STXBP5: variants seen among roughly 807,000 people sequenced by gnomAD.
STXBP5 encodes the protein syntaxin binding protein 5.
Under a neutral mutation model 152.4 loss-of-function variants are expected in STXBP5, and 50 were observed. The observed-to-expected ratio is 0.33, with a 90% CI of 0.26 to 0.42. The LOEUF (loss-of-function observed/expected upper bound fraction) is 0.42. STXBP5 is among the 10% of genes least tolerant of loss of function. STXBP5 has a pLI of 1.00. For synonymous variants in STXBP5, 492 were observed against 494.7 expected, an observed-to-expected ratio of 0.99 and a Z score of 0.07; for missense variants, 1,167 against 1,388.6, an observed-to-expected ratio of 0.84 and a Z score of 2.54.
intron 2 of STXBP5, among the ~76,000 whole-genome samples, chr6:147,211,164 G>C (rs1776828263): frequency 6.6e-6 from 1 of 152,042 alleles, no homozygotes; most frequent in South Asian, 2.1e-4. Flanking sequence ...ACAAAAATTA[G>C]CCTGGCGTGG....
intron 22 of STXBP5, among the ~76,000 whole-genome samples, chr6:147,356,872 A>G (rs1409147829): frequency 6.6e-6 from 1 of 152,140 alleles, no homozygotes; most frequent in Non-Finnish European, 1.5e-5. Flanking sequence ...CATTGAAAGC[A>G]TGTGATTTAG....
chr6:147,210,819 C>A (rs1231468754), intron 2 of STXBP5, among the ~76,000 whole-genome samples: 1 of 152,178 alleles, frequency 6.6e-6, no homozygotes, highest in Admixed American at 6.5e-5. Flanking sequence ...ATGATTATTA[C>A]ATTATTATTA....
chr6:147,328,185 G>GAC (rs1237809579), intron 18 of STXBP5, among the ~76,000 whole-genome samples: 1 of 151,824 alleles, frequency 6.6e-6, no homozygotes. Flanking sequence ...TTTATTTCAT[G>GAC]ACACACACAA....
Position 147,359,301 on chromosome 6 carries a change from G to A in STXBP5, c.2523G>A (p.Gln841=), listed in dbSNP as rs142098620. The change falls in exon 23 of 28, where the codon CAG becomes CAA. Residue 841 remains glutamine (Q), a synonymous_variant. Transcript: ENST00000321680. ...CAGGGGGAGAGCAAAGACTTCTTCA[G>A]CCAGTAATTGTGTCTCCAAGTGGTA... The part of the protein sequence containing the change: ...LPPGGEQRLL[Q]PVIVSPSGTI... The A allele has an allele frequency of 2.5e-6, 4 of 1,613,618 alleles. No homozygotes were observed. In the African/African-American group the frequency reaches 5.3e-5, roughly 22 times the overall value.
intron 2 of STXBP5, among the ~76,000 whole-genome samples, chr6:147,235,041 T>G (rs1215038599): frequency 1.3e-5 from 2 of 152,106 alleles, no homozygotes; most frequent in Non-Finnish European, 2.9e-5. Flanking sequence ...TCTTCTAATT[T>G]GCTTGTTTTG....
chr6:147,309,368 C>T (rs534275485), intron 9 of STXBP5, among the ~76,000 whole-genome samples: 11 of 151,910 alleles, frequency 7.2e-5, no homozygotes, highest in East Asian at 5.8e-4. Flanking sequence ...AAGTCAAATG[C>T]GTGGAAATAT....
chr6:147,213,477 T>TGTGTGTGTGCGCGCGCGCACGCGC, intron 2 of STXBP5, among the ~76,000 whole-genome samples: 1 of 131,278 alleles, frequency 7.6e-6, no homozygotes. Context: ...TGTGTGTGTG[T>TGTGTGTGTGCGCGCGCGCACGCGC]GCGCGCGCAT....
intron 4 of STXBP5, among the ~76,000 whole-genome samples, chr6:147,254,981 G>A (rs1054850238): frequency 1.1e-4 from 16 of 152,148 alleles, no homozygotes; most frequent in African/African-American, 3.6e-4. Context: ...GTACCCAAAG[G>A]ATTATAAATC....
chr6:147,285,242 T>G (rs900733926), intron 8 of STXBP5, among the ~76,000 whole-genome samples: 1 of 152,210 alleles, frequency 6.6e-6, no homozygotes, highest in African/African-American at 2.4e-5. Flanking sequence ...CACGTATTTT[T>G]GTTCCTCTGG....
chr6:147,353,214 C>T (rs569071287), intron 21 of STXBP5, 109 bp from the exon 22 acceptor site: 114 of 617,442 alleles, frequency 1.8e-4, no homozygotes, highest in South Asian at 5.8e-4. Context: ...TTATTTATCT[C>T]GGCATCTAGA....
chr6:147,250,120 C>G (rs1293741069), intron 4 of STXBP5, among the ~76,000 whole-genome samples: 1 of 152,106 alleles, frequency 6.6e-6, no homozygotes. Context: ...CAGAAGCAGG[C>G]TGATAAAAGA....
At chr6:147,268,491 G>A (rs530296046) in intron 7 of STXBP5, among the ~76,000 whole-genome samples, 1 of 152,234 alleles carries the variant, frequency 6.6e-6, no homozygotes, top group African/African-American at 2.4e-5. Context: ...CTTTGCACAT[G>A]TTTGTACATT....
chr6:147,366,740 G>C (rs1050826928), intron 25 of STXBP5, among the ~76,000 whole-genome samples: 1 of 152,148 alleles, frequency 6.6e-6, no homozygotes, highest in African/African-American at 2.4e-5. Context: ...TCCTTGCCAG[G>C]TAATATTTGT....
chr6:147,292,068 G>A (rs1187679898), intron 9 of STXBP5, among the ~76,000 whole-genome samples: 1 of 152,144 alleles, frequency 6.6e-6, no homozygotes, highest in African/African-American at 2.4e-5. Context: ...AAATGCTGAT[G>A]CACTCTAACA....
intron 8 of STXBP5, among the ~76,000 whole-genome samples, chr6:147,278,696 A>G (rs1472259789): frequency 6.6e-6 from 1 of 152,178 alleles, no homozygotes; most frequent in Non-Finnish European, 1.5e-5. Context: ...GACTCAGCAT[A>G]TAGTCATATT....
chr6:147,248,194 T>C (rs1778906573), intron 4 of STXBP5, among the ~76,000 whole-genome samples: 1 of 151,536 alleles, frequency 6.6e-6, no homozygotes, highest in African/African-American at 2.4e-5. Context: ...GCAGGGAGAA[T>C]TGCTTGAACC....
chr6:147,229,451 G>T (rs1050469425), intron 2 of STXBP5, among the ~76,000 whole-genome samples: 1 of 151,502 alleles, frequency 6.6e-6, no homozygotes, highest in Non-Finnish European at 1.5e-5. Flanking sequence ...GATTGTTTAG[G>T]TTCTTTATAT....
rs1251541328 is a variant in STXBP5 at position 147,389,463 on chromosome 6, A to G, written c.*4708A>G. ...AATTCATTTACAAATTCAGTACAGTAGTCCAGGGCTACATGTAAGTGGTCT... is the reference window on the plus strand; with the variant it reads ...AATTCATTTACAAATTCAGTACAGTGGTCCAGGGCTACATGTAAGTGGTCT... On this transcript the variant is annotated 3_prime_UTR_variant, in exon 28 of 28. Transcript: ENST00000321680. The G allele has an allele frequency of 2.6e-5, 4 of 151,868 alleles. No individual in the cohort carries two copies. The highest frequency in any genetic ancestry group is 4.4e-5 in the Non-Finnish European group (3 of 67,790). The allele number at this position is 151,868 out of a possible 1,614,324, so 9.4% of individuals were successfully genotyped here.
At chr6:147,379,890 C>A (rs1785993023) in intron 26 of STXBP5, among the ~76,000 whole-genome samples, 1 of 152,000 alleles carries the variant, frequency 6.6e-6, no homozygotes, top group South Asian at 2.1e-4. Context: ...TCATTTATAG[C>A]AGTATCAAAA....
Sources: gnomAD v4.1 joint callset for allele counts (sites outside exome capture counted in the v4.1 genomes callset) on GRCh38, gnomAD v4.1.1 for gene constraint, MANE v1.5 for transcripts, NCBI Gene and HGNC (gene_info 2026-07-23, HGNC 2026-07-21) for gene names.